NECTIN1: variants seen among roughly 807,000 people sequenced by gnomAD.
The protein encoded by NECTIN1 is nectin cell adhesion molecule 1, also known as nectin-1.
Under a neutral mutation model 48.0 loss-of-function variants are expected in NECTIN1, and 23 were observed. The ratio of observed to expected loss-of-function variants is 0.48; its 90% CI spans 0.34 to 0.68. The LOEUF (loss-of-function observed/expected upper bound fraction) is 0.68. Among genes scored for constraint, NECTIN1 ranks in the 30% least tolerant of loss-of-function variants. The pLI, the probability that NECTIN1 is intolerant of heterozygous loss-of-function variation, is 0.01. For missense variants in NECTIN1, 591 were observed against 709.9 expected (o/e 0.83, Z 1.90); for synonymous variants, 270 against 288.9 (o/e 0.93, Z 0.66).
At chr11:119,669,963 T>C (rs1240590681) in intron 5 of NECTIN1, among the ~76,000 whole-genome samples, 1 of 128,140 alleles carries the variant, frequency 7.8e-6, no homozygotes, top group African/African-American at 3.9e-5. Flanking sequence ...AAATTACTAC[T>C]TTTTTTTTTT....
chr11:119,667,190 G>A (rs1400905745), intron 5 of NECTIN1, among the ~76,000 whole-genome samples: 3 of 152,088 alleles, frequency 2.0e-5, no homozygotes, highest in East Asian at 1.9e-4. Context: ...AAAGGGCCCC[G>A]CAACTGCTCC....
Position 119,665,109 on chromosome 11 carries a change from T to C in NECTIN1, c.1192A>G (p.Asn398Asp). 1.2e-6 allele frequency: 2 copies of C among 1,614,032 alleles called. No individual in the cohort carries two copies. Among genetic ancestry groups the C allele is most frequent in the Non-Finnish European group, 1.7e-6 (2 of 1,179,986 alleles). The change falls in exon 6 of 6, where the codon AAC becomes GAC. Residue 398 changes from asparagine (N) to aspartate (D), a missense_variant. By Grantham distance (23) the Asn-to-Asp change is conservative. Transcript: ENST00000264025. This position sits in a 1 kb window ranked among gnomAD's most constrained non-coding sequence, Gnocchi z 5.1. ...DYSTKKHVYG[N>D]GYSKAGIPQH... ...GGGATGCCTGCCTTGCTGTAGCCGT[T>C]GCCATACACGTGCTTCTTGGTGCTG...
At chr11:119,713,615 T>C in intron 1 of NECTIN1, 1 of 288,892 alleles carries the variant, frequency 3.5e-6, no homozygotes, top group Non-Finnish European at 7.0e-6. Context: ...TGGTGGCTGC[T>C]ACTGAACACC....
intron 5 of NECTIN1, among the ~76,000 whole-genome samples, chr11:119,644,394 C>T (rs931671856): frequency 6.6e-6 from 1 of 152,194 alleles, no homozygotes; most frequent in Non-Finnish European, 1.5e-5. Context: ...ACCTGCTTCT[C>T]CCGACCACCC....
chr11:119,676,965 T>C (rs1864961893), intron 4 of NECTIN1, 137 bp downstream of exon 4: 3 of 744,368 alleles, frequency 4.0e-6, no homozygotes, highest in Non-Finnish European at 7.2e-6. Flanking sequence ...TGTTCTCTCA[T>C]GGCCCCGCTT....
chr11:119,663,491 C>T lies in NECTIN1; in HGVS notation c.*1256G>A, dbSNP rs2135541245. On this transcript the variant is annotated 3_prime_UTR_variant, in exon 6 of 6. Transcript: ENST00000264025. Reference sequence around the variant, plus strand: ...AGGAGGTGGCCTAGCGGCCCCACCCCCCTCACTTTCTGCCAGGCCCGAGGC... The same window carrying T: ...AGGAGGTGGCCTAGCGGCCCCACCCTCCTCACTTTCTGCCAGGCCCGAGGC... 9.1e-6 allele frequency: 9 copies of T among 985,544 alleles called. No individual in the cohort carries two copies. In the South Asian group the frequency reaches 3.3e-4, roughly 36 times the overall value. 61.0% of individuals were successfully genotyped at this position (985,544 alleles called of 1,614,324 possible).
intron 1 of NECTIN1, among the ~76,000 whole-genome samples, chr11:119,680,203 G>A (rs1193095928): frequency 6.6e-6 from 1 of 152,104 alleles, no homozygotes; most frequent in African/African-American, 2.4e-5. Context: ...CCTTACCCCT[G>A]AACTTGGCTC....
intron 5 of NECTIN1, among the ~76,000 whole-genome samples, chr11:119,644,777 T>C (rs1045131910): frequency 2.0e-5 from 3 of 151,408 alleles, no homozygotes; most frequent in African/African-American, 7.3e-5. Context: ...GTGTGAAATG[T>C]GGGGTATATG....
intron 7 of NECTIN1, among the ~76,000 whole-genome samples, chr11:119,638,411 C>A (rs1239609568): frequency 6.6e-6 from 1 of 152,224 alleles, no homozygotes; most frequent in Non-Finnish European, 1.5e-5. Flanking sequence ...GCACCCTGAG[C>A]CTTTAGCTTT....
intron 1 of NECTIN1, among the ~76,000 whole-genome samples, chr11:119,680,332 T>G (rs1865037045): frequency 6.6e-6 from 1 of 152,200 alleles, no homozygotes; most frequent in South Asian, 2.1e-4. Context: ...TTCATGTCTT[T>G]GTATCCTTAC....
At chr11:119,700,787 T>C (rs966727254) in intron 1 of NECTIN1, among the ~76,000 whole-genome samples, 12 of 152,146 alleles carry the variant, frequency 7.9e-5, no homozygotes, top group African/African-American at 2.9e-4. Context: ...TTCTTAGAGT[T>C]GGTGACTCTC....
intron 1 of NECTIN1, among the ~76,000 whole-genome samples, chr11:119,715,036 G>A (rs1002137493): frequency 2.0e-5 from 3 of 152,114 alleles, no homozygotes; most frequent in African/African-American, 7.2e-5. Context: ...TAATGGGAGG[G>A]AGCTTCAGGG....
rs550529701 is a variant in NECTIN1, at chr11:119,692,031, C to T, written c.80-13266G>A. Among the ~76,000 whole-genome samples, 30 of 152,298 alleles carry T rather than the reference C, an allele frequency of 2.0e-4. No individual in the cohort carries two copies. In the East Asian group the frequency reaches 5.0e-3, roughly 26 times the overall value. ...AGAAGGTAGAAGCCCTGAGCCTGGC[C>T]GCATGTCCCCAGCCCCACCTGCTCC... On this transcript the variant is annotated intron_variant, in intron 1 of 5. Transcript: ENST00000264025.
Position 119,664,352 on chromosome 11 carries a change from AC to A in NECTIN1, c.*394del. 9.7e-7 allele frequency: 1 copy of A among 1,034,558 alleles called. No individual in the cohort carries two copies. The highest frequency in any genetic ancestry group is 1.2e-6 in the Non-Finnish European group (1 of 860,052). 64.1% of individuals were successfully genotyped at this position (1,034,558 alleles called of 1,614,324 possible). A position where few individuals can be genotyped will look rare whatever the true frequency, so the allele number is the denominator to read the frequency against. ...CCTCTTAGAGCCCCTTGAGCCCTCC[AC>A]CCCCAGTGAAGAAACACAAACAAAT... On this transcript the variant is annotated 3_prime_UTR_variant, in exon 6 of 6. Transcript: ENST00000264025.
At chr11:119,718,967 A>G (rs1865785229) in intron 1 of NECTIN1, among the ~76,000 whole-genome samples, 1 of 152,212 alleles carries the variant, frequency 6.6e-6, no homozygotes, top group Non-Finnish European at 1.5e-5. Flanking sequence ...TTTCATTTCT[A>G]TTTCATATAC....
intron 1 of NECTIN1, among the ~76,000 whole-genome samples, chr11:119,725,416 TG>T (rs1329849492): frequency 6.6e-6 from 1 of 152,184 alleles, no homozygotes; most frequent in Non-Finnish European, 1.5e-5. Flanking sequence ...CCAGGGCAAC[TG>T]GGCCCAAGCT....
At position 119,664,842 on chromosome 11, in the gene NECTIN1, C is replaced by A. The variant is rs1864732488; in HGVS notation, c.1459G>T (p.Gly487Cys). ...AGCTGCTCAGGGTCGTACTGGTAGC[C>A]CAGAGTCCGGTCCCCGTAGCCGTCC... ...RQDGYGDRTLGYQYDPEQLDL... is the reference protein window; with the variant it reads ...RQDGYGDRTLCYQYDPEQLDL... Residue 487 changes from glycine (G) to cysteine (C), a missense_variant, in exon 6 of 6, where the codon GGC becomes TGC. By Grantham distance (159) the Gly-to-Cys change is radical. Transcript: ENST00000264025. 1 of 1,613,848 alleles carries A rather than the reference C, an allele frequency of 6.2e-7. No individual in the cohort carries two copies. Among genetic ancestry groups the A allele is most frequent in the Admixed American group, 1.7e-5 (1 of 59,978 alleles).
intron 6 of NECTIN1, chr11:119,638,916 G>T: frequency 2.1e-6 from 2 of 934,004 alleles, no homozygotes; most frequent in South Asian, 2.8e-5. Context: ...GAGCAGGCCC[G>T]GGAGCTCTGC....
chr11:119,678,643 G>C lies in NECTIN1; in HGVS notation c.202C>G (p.Gln68Glu), dbSNP rs1865005075. The change falls in exon 2 of 6, where the codon CAG becomes GAG. Residue 68 changes from glutamine (Q) to glutamate (E), a missense_variant. Transcript: ENST00000264025. This position sits in a 1 kb window ranked among gnomAD's most constrained non-coding sequence, Gnocchi z 4.4. ...TGCTTGGAGCCATTGGTGGACTTCTGCCATGTGACCTGGGTGATCTTCACG... is the reference window on the plus strand; with the variant it reads ...TGCTTGGAGCCATTGGTGGACTTCTCCCATGTGACCTGGGTGATCTTCACG... The part of the protein sequence containing the change: ...PSVKITQVTW[Q>E]KSTNGSKQNV... The C allele has an allele frequency of 3.1e-6, 5 of 1,614,126 alleles. No individual in the cohort carries two copies. The highest frequency in any genetic ancestry group is 4.2e-6 in the Non-Finnish European group (5 of 1,180,016).
Sources: gnomAD v4.1 joint callset for allele counts (sites outside exome capture counted in the v4.1 genomes callset) on GRCh38, gnomAD v4.1.1 for gene constraint, Gnocchi (gnomAD v3.1) non-coding constraint, MANE v1.5 for transcripts, NCBI Gene and HGNC (gene_info 2026-07-23, HGNC 2026-07-21) for gene names.